Variants in IL1RAPL1 observed in about 807,000 individuals in gnomAD.
The protein encoded by IL1RAPL1 is interleukin-1 receptor accessory protein-like 1.
In IL1RAPL1, 3 loss-of-function variants were observed where a neutral mutation model predicts 48.4. The ratio of observed to expected loss-of-function variants is 0.06; its 90% confidence interval spans 0.03 to 0.16. IL1RAPL1 has a LOEUF of 0.16. IL1RAPL1 is among the 10% of genes least tolerant of loss of function. The pLI is 1.00. For synonymous variants in IL1RAPL1, 185 were observed against 187.7 expected, an observed-to-expected ratio of 0.99 and a Z score of 0.12; for missense variants, 349 against 530.6, an observed-to-expected ratio of 0.66 and a Z score of 3.36.
intron 1 of IL1RAPL1, among the ~76,000 whole-genome samples, chrX:28,781,004 TATA>T (rs1308106851): frequency 9.0e-6 from 1 of 111,597 alleles, no homozygotes; most frequent in Non-Finnish European, 1.9e-5. Flanking sequence ...CAATAGAAAA[TATA>T]ATAATTATCT....
Position 28,752,447 on chromosome X carries a change from G to T in IL1RAPL1, c.-24-36873G>T, listed in dbSNP as rs767761447. On this transcript the variant is annotated intron_variant, in intron 1 of 10. Transcript: ENST00000378993. The stretch of plus-strand genomic sequence containing the variant: ...GCTGGGAGAATAGGATTCAGGTGAC[G>T]ATGCCACTAGCTCTCCACTTAGCTA... Among the ~76,000 whole-genome samples, 5 of 112,209 alleles carry T rather than the reference G, an allele frequency of 4.5e-5. No homozygotes were observed. In the South Asian group the frequency reaches 1.8e-3, roughly 41 times the overall value.
At chrX:29,408,254 C>T (rs1934099932) in intron 5 of IL1RAPL1, among the ~76,000 whole-genome samples, 1 of 111,333 alleles carries the variant, frequency 9.0e-6, no homozygotes, top group South Asian at 3.7e-4. Flanking sequence ...AAAATATACA[C>T]TATATAGGAT....
chrX:29,342,152 G>T (rs866479249), intron 3 of IL1RAPL1, among the ~76,000 whole-genome samples: 16 of 95,293 alleles, frequency 1.7e-4, no homozygotes, highest in East Asian at 6.1e-4. Context: ...GTGTGTGTGT[G>T]TGTTTGTTTT....
rs775958092 is a variant in IL1RAPL1 at position 29,267,480 on chromosome X, AACACAT to A, written c.83-15448_83-15443del. The stretch of plus-strand genomic sequence containing the variant: ...AAAACAACACACATATACACACACA[AACACAT>A]ACACATACATAGCACAGCCAGACTT... On this transcript the variant is annotated intron_variant, in intron 2 of 10. Coordinates refer to ENST00000378993, the MANE Select transcript of IL1RAPL1 (RefSeq NM_014271.4). 2.7e-5 allele frequency among the ~76,000 whole-genome samples: 3 copies of A among 111,911 alleles called. No individual in the cohort carries two copies. In the South Asian group the frequency reaches 1.1e-3, roughly 41 times the overall value.
rs183140948 is a variant in IL1RAPL1, at chrX:28,921,867, A to T, written c.82+132442A>T. On this transcript the variant is annotated intron_variant, in intron 2 of 10. Coordinates refer to ENST00000378993, the MANE Select transcript of IL1RAPL1 (RefSeq NM_014271.4). ...ATTTTAGCCACTAACCAACGTATCA[A>T]AGTGGGCACAACTAACACATGTTAA... Among the ~76,000 whole-genome samples the T allele has an allele frequency of 6.2e-5, 7 of 112,308 alleles. No homozygotes were observed. The Admixed American group carries it at 6.6e-4, about 11-fold the overall frequency.
intron 3 of IL1RAPL1, among the ~76,000 whole-genome samples, chrX:29,284,243 C>T (rs1932247028): frequency 8.9e-6 from 1 of 111,890 alleles, no homozygotes; most frequent in South Asian, 3.7e-4. Context: ...TCCCTCTCAC[C>T]GTCATCTCTA....
chrX:28,627,541 C>G (rs1383594107), intron 1 of IL1RAPL1, among the ~76,000 whole-genome samples: 1 of 112,030 alleles, frequency 8.9e-6, no homozygotes, highest in African/African-American at 3.2e-5. Context: ...AGGAGCACGG[C>G]CCACAGTCAA....
intron 8 of IL1RAPL1, among the ~76,000 whole-genome samples, chrX:29,929,856 G>C (rs888915207): frequency 9.0e-6 from 1 of 111,294 alleles, no homozygotes; most frequent in Non-Finnish European, 1.9e-5. Flanking sequence ...ACTCACAACT[G>C]CTTGGGTCCA....
At chrX:29,787,935 G>A (rs1023125655) in intron 6 of IL1RAPL1, among the ~76,000 whole-genome samples, 1 of 111,887 alleles carries the variant, frequency 8.9e-6, no homozygotes, top group Non-Finnish European at 1.9e-5. Context: ...TTTGCCAGAA[G>A]TCACTATTGT....
At chrX:29,899,120 GGTGTGT>G (rs112187676) in intron 6 of IL1RAPL1, among the ~76,000 whole-genome samples, 6 of 107,332 alleles carry the variant, frequency 5.6e-5, no homozygotes, top group African/African-American at 1.7e-4. Context: ...TATTTATTAG[GGTGTGT>G]GTGTGTGTGT....
chrX:29,152,107 C>T (rs1321960946), intron 2 of IL1RAPL1, among the ~76,000 whole-genome samples: 2 of 111,245 alleles, frequency 1.8e-5, no homozygotes, highest in Non-Finnish European at 3.8e-5. Context: ...AGCAAAGTCA[C>T]GTCTTACATG....
chrX:29,697,941 A>C (rs958037920), intron 6 of IL1RAPL1, among the ~76,000 whole-genome samples: 13 of 111,283 alleles, frequency 1.2e-4, no homozygotes, highest in Non-Finnish European at 2.1e-4. Flanking sequence ...GGACCATGGC[A>C]CCATGCTTTT....
chrX:28,973,664 CTTTG>C (rs1160176861), intron 2 of IL1RAPL1, among the ~76,000 whole-genome samples: 4 of 111,608 alleles, frequency 3.6e-5, no homozygotes, highest in Admixed American at 1.9e-4. Flanking sequence ...TTGGATATTT[CTTTG>C]TTTATTACAG....
chrX:29,163,072 C>CA (rs1370199170), intron 2 of IL1RAPL1, among the ~76,000 whole-genome samples: 1,053 of 74,735 alleles, frequency 0.014, 14 homozygotes, highest in African/African-American at 0.041. Flanking sequence ...GACTCCGTCT[C>CA]AAAAAAAAAA....
chrX:29,463,778 G>A (rs781137527), intron 5 of IL1RAPL1, among the ~76,000 whole-genome samples: 9 of 111,720 alleles, frequency 8.1e-5, no homozygotes, highest in Non-Finnish European at 1.5e-4. Flanking sequence ...TCCAGACTAA[G>A]TTAGAAAAGG....
At chrX:28,923,563 G>A (rs1280912452) in intron 2 of IL1RAPL1, among the ~76,000 whole-genome samples, 7 of 111,613 alleles carry the variant, frequency 6.3e-5, no homozygotes, top group Non-Finnish European at 1.1e-4. Context: ...TGTTTTAAGG[G>A]TGAAGAGTAC....
At chrX:29,380,046 A>C (rs1933675417) in intron 3 of IL1RAPL1, among the ~76,000 whole-genome samples, 1 of 109,097 alleles carries the variant, frequency 9.2e-6, no homozygotes, top group African/African-American at 3.4e-5. Context: ...GACCTATTTC[A>C]CTTAATGTAC....
intron 1 of IL1RAPL1, among the ~76,000 whole-genome samples, chrX:28,622,973 C>T (rs1346838323): frequency 9.0e-6 from 1 of 111,464 alleles, no homozygotes; most frequent in Middle Eastern, 4.2e-3. Flanking sequence ...ATAGGATATA[C>T]AGTGATTGAA....
intron 2 of IL1RAPL1, among the ~76,000 whole-genome samples, chrX:28,945,901 ATATGTG>A (rs1308803837): frequency 1.1e-5 from 1 of 94,693 alleles, no homozygotes; most frequent in African/African-American, 3.8e-5. Flanking sequence ...ATATATATAT[ATATGTG>A]TGTGTGTGTG....
Sources: allele counts gnomAD v4.1 joint callset (sites outside exome capture counted in the v4.1 genomes callset), GRCh38; gene constraint gnomAD v4.1.1; transcripts MANE v1.5; gene names NCBI Gene and HGNC (gene_info 2026-07-23, HGNC 2026-07-21).